LYPLAL1: variants seen among roughly 807,000 people sequenced by gnomAD.
LYPLAL1 encodes the protein lysophospholipase like 1.
In LYPLAL1, 23 loss-of-function variants were observed where a neutral mutation model predicts 19.7. The observed-to-expected ratio is 1.17, with a 90% CI of 0.84 to 1.65. The LOEUF is 1.65. LYPLAL1 is among the 40% of genes most tolerant of loss of function. The pLI, the probability that LYPLAL1 is intolerant of heterozygous loss-of-function variation, is 0.00. For missense variants in LYPLAL1, 355 were observed against 279.4 expected, an observed-to-expected ratio of 1.27 and a Z score of -1.93; for synonymous variants, 119 against 96.3, an observed-to-expected ratio of 1.24 and a Z score of -1.38.
At chr1:219,186,539 A>ATCTATAT (rs3084103) in intron 2 of LYPLAL1, among the ~76,000 whole-genome samples, 115,708 of 150,860 alleles carry the variant, frequency 0.77, 45,329 homozygotes, top group Non-Finnish European at 0.85. Context: ...TGTCTTTTTT[A>ATCTATAT]TGGCTACTTT....
chr1:219,389,206 A>T, the LYPLAL1 span, among the ~76,000 whole-genome samples: 3 of 152,210 alleles, frequency 2.0e-5, no homozygotes, highest in Non-Finnish European at 4.4e-5. Flanking sequence ...TGAGATTTCA[A>T]GTCATTACTA....
At chr1:219,352,421 G>A in the LYPLAL1 span, among the ~76,000 whole-genome samples, 1 of 152,204 alleles carries the variant, frequency 6.6e-6, no homozygotes, top group Admixed American at 6.5e-5. Context: ...GGAAGGCTGA[G>A]GCAGGAGAAT....
chr1:219,358,349 T>C, the LYPLAL1 span, among the ~76,000 whole-genome samples: 2 of 152,164 alleles, frequency 1.3e-5, no homozygotes, highest in South Asian at 2.1e-4. Flanking sequence ...TGTACTCTAG[T>C]TGATAAAATT....
downstream of LYPLAL1, among the ~76,000 whole-genome samples, chr1:219,215,050 G>A (rs536163363): frequency 4.3e-4 from 65 of 152,142 alleles, no homozygotes; most frequent in African/African-American, 1.5e-3. Context: ...ATCTACCCAT[G>A]AAGATACCAT....
the LYPLAL1 span, among the ~76,000 whole-genome samples, chr1:219,369,448 A>AT: frequency 6.6e-6 from 1 of 152,024 alleles, no homozygotes; most frequent in African/African-American, 2.4e-5. Context: ...ATTTTTTTGT[A>AT]TTTTTAGTAG....
At chr1:219,298,309 C>T in the LYPLAL1 span, among the ~76,000 whole-genome samples, 3 of 151,980 alleles carry the variant, frequency 2.0e-5, no homozygotes, top group African/African-American at 4.8e-5. Context: ...GACCCTGTCT[C>T]AAAAATAAAA....
downstream of LYPLAL1, among the ~76,000 whole-genome samples, chr1:219,216,464 G>GTT (rs1218331895): frequency 6.6e-5 from 10 of 152,184 alleles, no homozygotes; most frequent in East Asian, 1.6e-3. Flanking sequence ...TAGCAGAGCA[G>GTT]TGTTTAGTTC....
the LYPLAL1 span, among the ~76,000 whole-genome samples, chr1:219,345,074 T>C: frequency 6.6e-6 from 1 of 152,220 alleles, no homozygotes; most frequent in Non-Finnish European, 1.5e-5. Flanking sequence ...CAGCACATGA[T>C]TTGTAATGCT....
the LYPLAL1 span, among the ~76,000 whole-genome samples, chr1:219,431,787 C>T: frequency 3.3e-5 from 5 of 152,212 alleles, no homozygotes; most frequent in African/African-American, 7.2e-5. Flanking sequence ...TGTTTAAAGG[C>T]AATGAGACAA....
chr1:219,404,248 G>A, the LYPLAL1 span, among the ~76,000 whole-genome samples: 1 of 152,110 alleles, frequency 6.6e-6, no homozygotes, highest in Non-Finnish European at 1.5e-5. Flanking sequence ...TCACATTAAG[G>A]GGTTGGGTTT....
At chr1:219,300,620 T>C in the LYPLAL1 span, among the ~76,000 whole-genome samples, 47,684 of 148,570 alleles carry the variant, frequency 0.32, 8,093 homozygotes, top group East Asian at 0.61. Flanking sequence ...CTGCAAGCTC[T>C]GCCTCCTGGG....
the LYPLAL1 span, among the ~76,000 whole-genome samples, chr1:219,350,706 A>AATAG: frequency 6.6e-6 from 1 of 152,192 alleles, no homozygotes; most frequent in African/African-American, 2.4e-5. Context: ...TCATCAAACA[A>AATAG]ATAGACCAAG....
chr1:219,306,849 T>TAGACAGAC, the LYPLAL1 span, among the ~76,000 whole-genome samples: 1,450 of 135,356 alleles, frequency 0.011, 15 homozygotes, highest in African/African-American at 0.021. Flanking sequence ...GATAGATAGA[T>TAGACAGAC]AGACAGACAG....
chr1:219,348,063 T>G, the LYPLAL1 span, among the ~76,000 whole-genome samples: 1 of 152,344 alleles, frequency 6.6e-6, no homozygotes, highest in Non-Finnish European at 1.5e-5. Flanking sequence ...CTTCCTGTGA[T>G]CCAGCAGTGA....
the LYPLAL1 span, among the ~76,000 whole-genome samples, chr1:219,268,011 CA>C: frequency 1.3e-5 from 2 of 152,072 alleles, no homozygotes; most frequent in Admixed American, 6.6e-5. Flanking sequence ...GTAACTGGTC[CA>C]AAACACCTTA....
the LYPLAL1 span, among the ~76,000 whole-genome samples, chr1:219,410,684 G>C: frequency 2.0e-5 from 3 of 152,214 alleles, no homozygotes; most frequent in Non-Finnish European, 4.4e-5. Flanking sequence ...GGCTGTGTGC[G>C]GCACTTGCGG....
chr1:219,418,770 T>C, the LYPLAL1 span, among the ~76,000 whole-genome samples: 2 of 152,196 alleles, frequency 1.3e-5, no homozygotes, highest in Non-Finnish European at 2.9e-5. Context: ...GTTTCACTGC[T>C]CCAAAAATCC....
the LYPLAL1 span, among the ~76,000 whole-genome samples, chr1:219,444,966 AT>A: frequency 6.6e-6 from 1 of 152,124 alleles, no homozygotes; most frequent in African/African-American, 2.4e-5. Context: ...AAAGTCCAAA[AT>A]GTGCTTTTGT....
the LYPLAL1 span, among the ~76,000 whole-genome samples, chr1:219,430,052 G>C: frequency 3.5e-4 from 53 of 152,180 alleles, no homozygotes; most frequent in African/African-American, 1.3e-3. Context: ...AGAGCACTTC[G>C]GGAGGCCCAG....
Sources: gnomAD v4.1 joint callset for allele counts (sites outside exome capture counted in the v4.1 genomes callset) on GRCh38, gnomAD v4.1.1 for gene constraint, MANE v1.5 for transcripts, NCBI Gene and HGNC (gene_info 2026-07-23, HGNC 2026-07-21) for gene names.